Variants in POC1A observed in about 807,000 individuals in gnomAD.
The protein encoded by POC1A is POC1 centriolar protein A.
POC1A carries 34 observed loss-of-function variants against 47.8 expected under a neutral mutation model. That is an observed-to-expected ratio of 0.71 (90% CI 0.54 to 0.95). POC1A has a LOEUF of 0.95. Ranked by LOEUF, POC1A falls within the 40% of genes least tolerant of loss-of-function variation. POC1A has a pLI of 0.00. For missense variants in POC1A, 466 were observed against 528.3 expected (o/e 0.88, Z 1.16); for synonymous variants, 177 against 207.6 (o/e 0.85, Z 1.27).
intron 7 of POC1A, among the ~76,000 whole-genome samples, chr3:52,129,260 C>T (rs925380444): frequency 6.6e-6 from 1 of 152,192 alleles, no homozygotes; most frequent in Non-Finnish European, 1.5e-5. Context: ...CCCTGGGCGA[C>T]AGAGCGAGAC....
chr3:52,082,486 G>A (rs1055313370), intron 10 of POC1A, among the ~76,000 whole-genome samples: 32 of 152,158 alleles, frequency 2.1e-4, no homozygotes, highest in Non-Finnish European at 3.8e-4. Context: ...GCTTCCAGCC[G>A]TGATTCATCC....
chr3:52,129,787 C>A (rs1436271247), intron 7 of POC1A, among the ~76,000 whole-genome samples: 2 of 152,238 alleles, frequency 1.3e-5, no homozygotes, highest in East Asian at 3.8e-4. Context: ...ACCTGCTAAC[C>A]GGGCCATATC....
intron 9 of POC1A, among the ~76,000 whole-genome samples, chr3:52,102,083 A>T (rs1703024313): frequency 6.6e-6 from 1 of 152,182 alleles, no homozygotes; most frequent in Non-Finnish European, 1.5e-5. Flanking sequence ...GTTTGAATAT[A>T]ACTCATCTAG....
intron 10 of POC1A, among the ~76,000 whole-genome samples, chr3:52,088,894 A>C (rs1264091911): frequency 4.3e-5 from 4 of 93,818 alleles, no homozygotes; most frequent in Admixed American, 1.3e-4. Context: ...CCCCATCTCC[A>C]AGCCAGCTCA....
rs1192606025 is a variant in POC1A at position 52,154,371 on chromosome 3, A to ATGGCGGGGC, written c.-8_1dup (p.Pro1_?0). On this transcript the variant is annotated start_lost and start_retained_variant, in exon 1 of 11. Coordinates refer to ENST00000296484, the MANE Select transcript of POC1A (RefSeq NM_015426.5). ...TGGGCTTACCGCGCAGGGCGCAGCCATGGCGGGGCTGGCGGCGCCGAAGGC... is the reference window on the plus strand; with the variant it reads ...TGGGCTTACCGCGCAGGGCGCAGCCATGGCGGGGCTGGCGGGGCTGGCGGCGCCGAAGGC... 2.0e-6 allele frequency: 3 copies of ATGGCGGGGC among 1,505,082 alleles called. No homozygotes were observed. Among genetic ancestry groups the ATGGCGGGGC allele is most frequent in the Non-Finnish European group, 2.6e-6 (3 of 1,134,274 alleles). The allele number at this position is 1,505,082 out of a possible 1,614,324, so 93.2% of individuals were successfully genotyped here.
chr3:52,106,038 C>G (rs1030169373), intron 9 of POC1A, among the ~76,000 whole-genome samples: 1 of 151,744 alleles, frequency 6.6e-6, no homozygotes, highest in African/African-American at 2.4e-5. Context: ...ACTAAAAATA[C>G]AAAAAAATTA....
In POC1A at chr3:52,149,398, A is replaced by G. The variant is rs760389462; in HGVS notation, c.276-9T>C. 6.2e-6 allele frequency: 10 copies of G among 1,612,930 alleles called. No homozygotes were observed. The highest frequency in any genetic ancestry group is 8.5e-6 in the Non-Finnish European group (10 of 1,179,150). ...CAGTGGACTCACCTTTGCTACAAGG[A>G]CAGGCATCCAAGAGTAAGGAAACCC... On this transcript the variant is annotated splice_polypyrimidine_tract_variant and intron_variant, in intron 3 of 10. Coordinates refer to ENST00000296484, the MANE Select transcript of POC1A (RefSeq NM_015426.5).
At chr3:52,088,787 A>T (rs960509935) in intron 10 of POC1A, among the ~76,000 whole-genome samples, 3 of 151,662 alleles carry the variant, frequency 2.0e-5, no homozygotes, top group Non-Finnish European at 4.4e-5. Flanking sequence ...ATTCAGCCCG[A>T]ATGAGATGTC....
chr3:52,146,328 G>T (rs1698363841), intron 5 of POC1A, among the ~76,000 whole-genome samples: 1 of 152,262 alleles, frequency 6.6e-6, no homozygotes, highest in Non-Finnish European at 1.5e-5. Flanking sequence ...GCCAGCTGAG[G>T]CACAGGTGGG....
At chr3:52,088,828 C>G (rs1284331368) in intron 10 of POC1A, among the ~76,000 whole-genome samples, 2 of 151,496 alleles carry the variant, frequency 1.3e-5, no homozygotes, top group Admixed American at 1.3e-4. Context: ...TGCTCCCAGC[C>G]TCTGCTCTCC....
At chr3:52,088,838 C>T (rs1343305726) in intron 10 of POC1A, among the ~76,000 whole-genome samples, 1 of 151,358 alleles carries the variant, frequency 6.6e-6, no homozygotes, top group Non-Finnish European at 1.5e-5. Context: ...CTCTGCTCTC[C>T]ACCACCTGCT....
chr3:52,098,523 G>A (rs143209403), intron 9 of POC1A, among the ~76,000 whole-genome samples: 41 of 152,296 alleles, frequency 2.7e-4, no homozygotes, highest in Non-Finnish European at 5.4e-4. Flanking sequence ...TAAAGACAGC[G>A]GCCATGGCAC....
At chr3:52,111,326 C>T (rs376802663) in intron 9 of POC1A, among the ~76,000 whole-genome samples, 60 of 152,294 alleles carry the variant, frequency 3.9e-4, no homozygotes, top group African/African-American at 1.4e-3. Flanking sequence ...CTTGTCTCTG[C>T]TCTTGCTACC....
In POC1A at chr3:52,075,764, A is replaced by T; in HGVS notation, c.*123T>A. 2.6e-6 allele frequency: 2 copies of T among 772,666 alleles called. No homozygotes were observed. Among genetic ancestry groups the T allele is most frequent in the Non-Finnish European group, 2.3e-6 (1 of 443,298 alleles). The allele number at this position is 772,666 out of a possible 1,614,324, so 47.9% of individuals were successfully genotyped here. A position where few individuals can be genotyped will look rare whatever the true frequency, so the allele number is the denominator to read the frequency against. Reference sequence around the variant, plus strand: ...GTGGAGGGCAGAACTGCAAAAATCCAGGGCTCCAGTATGGATGTGATTCCC... The same window carrying T: ...GTGGAGGGCAGAACTGCAAAAATCCTGGGCTCCAGTATGGATGTGATTCCC... On this transcript the variant is annotated 3_prime_UTR_variant, in exon 11 of 11. Transcript: ENST00000296484.
chr3:52,134,679 A>G (rs1359086307), intron 7 of POC1A, among the ~76,000 whole-genome samples: 2 of 152,126 alleles, frequency 1.3e-5, no homozygotes, highest in African/African-American at 4.8e-5. Flanking sequence ...TAGAATTTTA[A>G]AAGTCACATG....
At chr3:52,133,757 C>T (rs4687808) in intron 7 of POC1A, among the ~76,000 whole-genome samples, 2 of 152,130 alleles carry the variant, frequency 1.3e-5, no homozygotes, top group Admixed American at 6.5e-5. Context: ...AAACCTCCCC[C>T]ACGGTTTCCC....
chr3:52,089,689 G>A (rs1702582458), intron 10 of POC1A, among the ~76,000 whole-genome samples: 1 of 152,190 alleles, frequency 6.6e-6, no homozygotes, highest in Non-Finnish European at 1.5e-5. Context: ...AAGACGCACT[G>A]GGTGACTTTC....
At chr3:52,135,883 G>A (rs771997475) in intron 7 of POC1A, among the ~76,000 whole-genome samples, 2 of 152,162 alleles carry the variant, frequency 1.3e-5, no homozygotes, top group Non-Finnish European at 2.9e-5. Flanking sequence ...TGTCCACATC[G>A]GGACCTTTCA....
At chr3:52,115,700 G>A (rs1703538205) in intron 9 of POC1A, among the ~76,000 whole-genome samples, 1 of 152,070 alleles carries the variant, frequency 6.6e-6, no homozygotes, top group South Asian at 2.1e-4. Context: ...TCCACCACGC[G>A]AGGACACAGT....
Sources: allele counts gnomAD v4.1 joint callset (sites outside exome capture counted in the v4.1 genomes callset), GRCh38; gene constraint gnomAD v4.1.1; transcripts MANE v1.5; gene names NCBI Gene and HGNC (gene_info 2026-07-23, HGNC 2026-07-21).